ELP1: variants seen among roughly 807,000 people sequenced by gnomAD.
ELP1 encodes elongator acetyltransferase complex subunit 1, also known as elongator complex protein 1.
Under a neutral mutation model 183.2 loss-of-function variants are expected in ELP1, and 131 were observed. The ratio of observed to expected loss-of-function variants is 0.72; its 90% CI spans 0.62 to 0.83. The LOEUF (loss-of-function observed/expected upper bound fraction) is 0.83, where lower values mean the gene tolerates loss of function less well. ELP1 is among the 40% of genes least tolerant of loss of function. The pLI is 0.00. For missense variants in ELP1, 1,550 were observed against 1,594.9 expected (o/e 0.97, Z 0.48); for synonymous variants, 555 against 569.0 (o/e 0.98, Z 0.35).
Position 108,899,804 on chromosome 9 carries a change from C to G in ELP1, c.2204+18G>C, listed in dbSNP as rs115641835. 4.4e-4 allele frequency: 713 copies of G among 1,602,532 alleles called. No individual in the cohort carries two copies. The African/African-American group carries it at 8.7e-3, about 20-fold the overall frequency. On this transcript the variant is annotated intron_variant, in intron 20 of 36. Coordinates refer to ENST00000374647, the MANE Select transcript of ELP1 (RefSeq NM_003640.5). ...AAATCACAAGCTAACTAGTCGCAAA[C>G]AGTACAATGGCACTTACTTGTCCAA...
intron 33 of ELP1, 60 bp downstream of exon 33, chr9:108,879,386 C>T: frequency 7.8e-7 from 1 of 1,278,114 alleles, no homozygotes; most frequent in Non-Finnish European, 1.1e-6. Context: ...AATCTATTTG[C>T]TTCCACTTTC....
At chr9:108,903,812 CACCCAATACTAT>C (rs1828911889) in intron 14 of ELP1, 143 bp from the exon 15 acceptor site, 1 of 675,276 alleles carries the variant, frequency 1.5e-6, no homozygotes, top group African/African-American at 2.0e-5. Flanking sequence ...CATATATACA[CACCCAATACTAT>C]ACACACACAC....
chr9:108,870,837 T>G (rs1359889723), intron 36 of ELP1, among the ~76,000 whole-genome samples: 1 of 152,202 alleles, frequency 6.6e-6, no homozygotes, highest in East Asian at 1.9e-4. Flanking sequence ...TTTTATGTAA[T>G]CTTCCTCATT....
At chr9:108,879,361 T>C (rs914090840) in intron 33 of ELP1, 85 bp downstream of exon 33, 4 of 964,836 alleles carry the variant, frequency 4.1e-6, no homozygotes, top group Non-Finnish European at 6.7e-6. Flanking sequence ...CACTACACCG[T>C]CCCAGTAGAA....
chr9:108,884,000 T>TA (rs1031586780), intron 29 of ELP1, among the ~76,000 whole-genome samples: 231 of 143,462 alleles, frequency 1.6e-3, no homozygotes, highest in African/African-American at 4.9e-3. Flanking sequence ...AAATTAGATT[T>TA]AAAAAAAAAA....
At chr9:108,879,655 A>G (rs528020987) in intron 32 of ELP1, 98 bp from the exon 33 acceptor site, 154 of 790,412 alleles carry the variant, frequency 1.9e-4, no homozygotes, top group Non-Finnish European at 3.1e-4. Flanking sequence ...CAACTGGTGC[A>G]TATCAAAGGA....
rs1239561807 is a variant in ELP1, at chr9:108,893,997, T to C, written c.2806A>G (p.Ile936Val). The C allele has an allele frequency of 5.0e-6, 8 of 1,608,528 alleles. No homozygotes were observed. Among genetic ancestry groups the C allele is most frequent in the Non-Finnish European group, 6.8e-6 (8 of 1,175,070 alleles). ...KMETNYQRFT[I>V]DKYLKRYEKA... Reference sequence around the variant, plus strand: ...TCATATCGTTTCAAGTATTTGTCTATAGTAAACCGCTGATAATTAGTTTCC... The same window carrying C: ...TCATATCGTTTCAAGTATTTGTCTACAGTAAACCGCTGATAATTAGTTTCC... The change falls in exon 26 of 37, where the codon ATA becomes GTA. Residue 936 changes from isoleucine to valine, a missense_variant. By Grantham distance (29) the Ile-to-Val change is conservative (BLOSUM62 3). Transcript: ENST00000374647.
At chr9:108,923,818 T>A (rs952091203) in intron 5 of ELP1, among the ~76,000 whole-genome samples, 4 of 152,352 alleles carry the variant, frequency 2.6e-5, no homozygotes, top group African/African-American at 9.6e-5. Context: ...ACACAACCCT[T>A]CTGTTCCTGG....
rs748202041 is a variant in ELP1, at chr9:108,931,051, C to T, written c.96G>A (p.Thr32=). The change falls in exon 2 of 37, where the codon ACG becomes ACA. Residue 32 remains threonine, a synonymous_variant. Transcript: ENST00000374647. ...GGCCATGTTCTGAACCAATGAGCAC[C>T]GTCCCCTGTTCAGTTCGGAGAGAGA... The part of the protein sequence containing the change: ...QCFSLRTEQG[T]VLIGSEHGLI... The T allele has an allele frequency of 1.5e-5, 25 of 1,613,962 alleles. No individual in the cohort carries two copies. The East Asian group carries it at 2.9e-4, about 19-fold the overall frequency.
intron 5 of ELP1, 34 bp downstream of exon 5, chr9:108,926,489 T>C (rs1417030345): frequency 1.3e-6 from 2 of 1,518,888 alleles, no homozygotes; most frequent in East Asian, 4.5e-5. Context: ...GGAAGAAACG[T>C]AGGTCACAAA....
intron 1 of ELP1, among the ~76,000 whole-genome samples, 158 bp downstream of exon 1, chr9:108,933,706 G>C (rs1006686978): frequency 1.3e-5 from 2 of 152,238 alleles, no homozygotes; most frequent in African/African-American, 4.8e-5. Context: ...CAGGTGGCAA[G>C]GCTGCAAAAA....
Position 108,917,564 on chromosome 9 carries a change from G to C in ELP1, c.847C>G (p.Leu283Val). The change falls in exon 9 of 37, where the codon CTT (leucine) becomes GTT (valine). Residue 283 changes from leucine to valine, a missense_variant. Physicochemically the swap from Leu to Val is conservative, Grantham distance 32. Transcript: ENST00000374647. ...GCACTTACCTTAACCTCATCTTTAA[G>C]GAAGGGAAGTGTAAAGTGTCCATGA... Reference protein sequence around the residue: ...LLHGHFTLPFLKDEVKVNDLL... With the variant: ...LLHGHFTLPFVKDEVKVNDLL... 1 of 1,613,806 alleles carries C rather than the reference G, an allele frequency of 6.2e-7. No homozygotes were observed. Among genetic ancestry groups the C allele is most frequent in the Non-Finnish European group, 8.5e-7 (1 of 1,179,906 alleles).
At chr9:108,911,797 T>G (rs1244528804) in intron 11 of ELP1, among the ~76,000 whole-genome samples, 1 of 148,718 alleles carries the variant, frequency 6.7e-6, no homozygotes, top group South Asian at 2.3e-4. Context: ...AATATAAACC[T>G]AATCTTCATA....
chr9:108,903,430 A>G, intron 15 of ELP1, 133 bp downstream of exon 15: 1 of 706,004 alleles, frequency 1.4e-6, no homozygotes. Context: ...ATTCCACTCT[A>G]AAGCTTAGGG....
rs1827317171 is a variant in ELP1, at chr9:108,868,515, C to G, written c.*600G>C. 2 of 402,288 alleles carry G rather than the reference C, an allele frequency of 5.0e-6. No individual in the cohort carries two copies. Among genetic ancestry groups the G allele is most frequent in the East Asian group, 3.5e-5 (1 of 28,218 alleles). The allele number at this position is 402,288 out of a possible 1,614,324, so 24.9% of individuals were successfully genotyped here. ...TGCTAACTCTCTAGCAGAAAATACA[C>G]AGGCAGTAAAACAGTCCCTATAGAC... is the stretch of plus-strand genomic sequence containing the variant. On this transcript the variant is annotated 3_prime_UTR_variant, in exon 37 of 37. Transcript: ENST00000374647.
Position 108,868,415 on chromosome 9 carries a change from A to G in ELP1, c.*700T>C, listed in dbSNP as rs1827315066. ...AATAATTCACAACCATGCATGCCAT[A>G]CAATGCACACTGATCACTCACACCA... On this transcript the variant is annotated 3_prime_UTR_variant, in exon 37 of 37. Transcript: ENST00000374647. 3.6e-6 allele frequency: 1 copy of G among 278,880 alleles called. No homozygotes were observed. The highest frequency in any genetic ancestry group is 5.1e-5 in the Admixed American group (1 of 19,506). 17.3% of individuals were successfully genotyped at this position (278,880 alleles called of 1,614,324 possible). A position where few individuals can be genotyped will look rare whatever the true frequency, so the allele number is the denominator to read the frequency against.
Position 108,902,944 on chromosome 9 carries a change from T to C in ELP1, c.1751-2A>G. The C allele has an allele frequency of 6.2e-7, 1 of 1,611,636 alleles. No homozygotes were observed. Among genetic ancestry groups the C allele is most frequent in the Non-Finnish European group, 8.5e-7 (1 of 1,177,696 alleles). On this transcript the variant is annotated splice_acceptor_variant, in intron 15 of 36. Transcript: ENST00000374647. LOFTEE classifies it high-confidence loss of function. ...GTTTAATAGCCAGAGAAGGTGACTC[T>C]GCAAGATTCACAGATCTAGTTCACA...
At chr9:108,910,880 T>G in intron 12 of ELP1, 130 bp downstream of exon 12, 2 of 701,316 alleles carry the variant, frequency 2.9e-6, no homozygotes, top group East Asian at 2.8e-5. Context: ...ATAATGATAA[T>G]GATATCAACT....
At chr9:108,872,885 CATAACTACAACTAT>C (rs375221532) in intron 36 of ELP1, among the ~76,000 whole-genome samples, 72 of 145,894 alleles carry the variant, frequency 4.9e-4, no homozygotes, top group African/African-American at 1.8e-3. Flanking sequence ...TAAAATTAGG[CATAACTACAACTAT>C]ATTTGATTCT....
Sources: gnomAD v4.1 joint callset for allele counts (sites outside exome capture counted in the v4.1 genomes callset) on GRCh38, gnomAD v4.1.1 for gene constraint, MANE v1.5 for transcripts, NCBI Gene and HGNC (gene_info 2026-07-23, HGNC 2026-07-21) for gene names.